Variants in RHBDD1 observed in about 807,000 individuals in gnomAD.
RHBDD1 encodes the protein rhomboid-related protein 4.
RHBDD1 carries 38 observed loss-of-function variants against 36.3 expected under a neutral mutation model. The observed-to-expected ratio is 1.05, with a 90% confidence interval of 0.81 to 1.37. The LOEUF (loss-of-function observed/expected upper bound fraction) is 1.37, where lower values mean the gene tolerates loss of function less well. RHBDD1 is among the 40% of genes most tolerant of loss of function. The probability of loss-of-function intolerance (pLI) is 0.00; values close to 1 mark genes in which losing one functional copy is unlikely to be tolerated. For synonymous variants in RHBDD1, 151 were observed against 136.5 expected (o/e 1.11, Z -0.74); for missense variants, 393 against 377.6 (o/e 1.04, Z -0.34).
chr2:226,803,021 T>G, the RHBDD1 span, among the ~76,000 whole-genome samples: 1 of 152,256 alleles, frequency 6.6e-6, no homozygotes, highest in South Asian at 2.1e-4. Context: ...AAACACTTTT[T>G]GTATCAAAAC....
At chr2:226,812,665 C>T in the RHBDD1 span, among the ~76,000 whole-genome samples, 1 of 139,212 alleles carries the variant, frequency 7.2e-6, no homozygotes, top group Admixed American at 7.1e-5. Context: ...TTGGAAAGCA[C>T]ATGTATGCTT....
chr2:226,827,837 T>C, the RHBDD1 span, among the ~76,000 whole-genome samples: 2 of 152,206 alleles, frequency 1.3e-5, no homozygotes, highest in Admixed American at 1.3e-4. Flanking sequence ...GAATAATTTC[T>C]TGAGCATAGC....
chr2:226,919,373 A>T (rs1284947664), intron 8 of RHBDD1, among the ~76,000 whole-genome samples: 1 of 151,848 alleles, frequency 6.6e-6, no homozygotes, highest in African/African-American at 2.4e-5. Flanking sequence ...GTGCTTGTGG[A>T]GTATTACTCA....
chr2:226,825,935 G>A, the RHBDD1 span, among the ~76,000 whole-genome samples: 1 of 152,130 alleles, frequency 6.6e-6, no homozygotes, highest in Admixed American at 6.5e-5. Flanking sequence ...ATCGGGTATC[G>A]AGAGTTTATT....
intron 3 of RHBDD1, among the ~76,000 whole-genome samples, chr2:226,853,368 C>T (rs1238959371): frequency 6.6e-6 from 1 of 152,224 alleles, no homozygotes; most frequent in Non-Finnish European, 1.5e-5. Flanking sequence ...TATTTAACTA[C>T]TTATAGCCAT....
chr2:226,969,394 C>CTTTT (rs77924848), intron 8 of RHBDD1, among the ~76,000 whole-genome samples: 44,216 of 114,612 alleles, frequency 0.39, 8,309 homozygotes, highest in South Asian at 0.46. Context: ...ACAGCTCAGC[C>CTTTT]TTTTTTTTTT....
chr2:226,820,644 C>CAAAA, the RHBDD1 span, among the ~76,000 whole-genome samples: 21 of 63,526 alleles, frequency 3.3e-4, no homozygotes, highest in Non-Finnish European at 4.3e-4. Context: ...TCCATCTCCA[C>CAAAA]AAAAAAAAAA....
At chr2:226,987,575 G>C (rs1957269772) in intron 8 of RHBDD1, among the ~76,000 whole-genome samples, 1 of 152,200 alleles carries the variant, frequency 6.6e-6, no homozygotes, top group South Asian at 2.1e-4. Context: ...TGACGCCTGT[G>C]TCTCACTGGG....
intron 8 of RHBDD1, among the ~76,000 whole-genome samples, chr2:226,967,371 ATTCT>A (rs1343150240): frequency 6.6e-6 from 1 of 152,076 alleles, no homozygotes; most frequent in Non-Finnish European, 1.5e-5. Context: ...GAAGTTGAGA[ATTCT>A]TTTTTTCTTT....
chr2:226,860,651 G>A (rs1208479212), intron 3 of RHBDD1, among the ~76,000 whole-genome samples: 1 of 152,128 alleles, frequency 6.6e-6, no homozygotes, highest in African/African-American at 2.4e-5. Flanking sequence ...CTTGGTAACT[G>A]ATTAGGAAGG....
rs548916119 is a variant in RHBDD1, at chr2:226,860,799, C to T, written c.-90-3805C>T. Among the ~76,000 whole-genome samples, 18 of 152,338 alleles carry T rather than the reference C, an allele frequency of 1.2e-4. No individual in the cohort carries two copies. The South Asian group carries it at 3.7e-3, about 32-fold the overall frequency. ...TGGAGCCCAAAAGACGGGCACTTCT[C>T]ACATTGGCTATGGTTATATCTCCTT... is the stretch of plus-strand genomic sequence containing the variant. On this transcript the variant is annotated intron_variant, in intron 3 of 8. Transcript: ENST00000392062.
intron 5 of RHBDD1, among the ~76,000 whole-genome samples, chr2:226,872,054 A>T (rs919374861): frequency 1.3e-5 from 2 of 152,162 alleles, no homozygotes; most frequent in Non-Finnish European, 2.9e-5. Context: ...TTCATTGGTT[A>T]TGCCTTTTAT....
chr2:226,924,177 G>A (rs1949516233), intron 8 of RHBDD1, among the ~76,000 whole-genome samples: 1 of 152,170 alleles, frequency 6.6e-6, no homozygotes, highest in Non-Finnish European at 1.5e-5. Flanking sequence ...AGTACTGCCT[G>A]TTTACCACAG....
chr2:226,917,031 T>A (rs1948956028), intron 8 of RHBDD1, among the ~76,000 whole-genome samples: 1 of 152,162 alleles, frequency 6.6e-6, no homozygotes, highest in African/African-American at 2.4e-5. Context: ...AGGAAGGGCT[T>A]ACATTTTGGG....
intron 8 of RHBDD1, among the ~76,000 whole-genome samples, chr2:226,922,464 C>T (rs571427222): frequency 6.6e-6 from 1 of 152,236 alleles, no homozygotes; most frequent in East Asian, 1.9e-4. Flanking sequence ...ACCTCGGCCT[C>T]CCAAAGGGCT....
Position 226,865,021 on chromosome 2 carries a change from G to A in RHBDD1, c.328G>A (p.Ala110Thr), listed in dbSNP as rs35731955. ...TAGATGGTTTGCCTATGTTATCACC[G>A]CATTTTCTGTACTTACTGGAGTGGT... Reference protein sequence around the residue: ...GSRWFAYVITAFSVLTGVVYL... With the variant: ...GSRWFAYVITTFSVLTGVVYL... Residue 110 changes from alanine to threonine, a missense_variant, in exon 4 of 9, where the codon GCA becomes ACA. Coordinates refer to ENST00000392062, the MANE Select transcript of RHBDD1 (RefSeq NM_001167608.3). 0.012 allele frequency: 19,508 copies of A among 1,614,072 alleles called. 1,294 individuals carry two copies. The African/African-American group carries it at 0.17, about 14-fold the overall frequency.
At chr2:226,927,245 ATTTG>A (rs1433830504) in intron 8 of RHBDD1, among the ~76,000 whole-genome samples, 3 of 151,300 alleles carry the variant, frequency 2.0e-5, no homozygotes, top group African/African-American at 7.3e-5. Context: ...AGCAAAGTTT[ATTTG>A]TTATTCATCT....
Position 226,866,349 on chromosome 2 carries a change from C to T in RHBDD1, c.434-837C>T, listed in dbSNP as rs559381064. 1.4e-4 allele frequency among the ~76,000 whole-genome samples: 21 copies of T among 152,228 alleles called. No homozygotes were observed. The South Asian group carries it at 2.5e-3, about 18-fold the overall frequency. On this transcript the variant is annotated intron_variant, in intron 4 of 8. Transcript: ENST00000392062. Reference sequence around the variant, plus strand: ...CCTCCCAAAGTGCTGGGATTACAGGCGTGAGCCACTGTGCCCGGCCTTGAT... The same window carrying T: ...CCTCCCAAAGTGCTGGGATTACAGGTGTGAGCCACTGTGCCCGGCCTTGAT...
At chr2:226,937,693 ATTAAG>A (rs1280204371) in intron 8 of RHBDD1, among the ~76,000 whole-genome samples, 6 of 152,202 alleles carry the variant, frequency 3.9e-5, no homozygotes, top group Non-Finnish European at 5.9e-5. Flanking sequence ...AACATGCGGT[ATTAAG>A]TTTTCTGTTC....
Sources: gnomAD v4.1 joint callset for allele counts (sites outside exome capture counted in the v4.1 genomes callset) on GRCh38, gnomAD v4.1.1 for gene constraint, MANE v1.5 for transcripts, NCBI Gene and HGNC (gene_info 2026-07-23, HGNC 2026-07-21) for gene names.